The following DENND1B variants were observed in gnomAD, a reference collection of about 807,000 sequenced individuals.
The protein encoded by DENND1B is DENN domain-containing protein 1B.
In DENND1B, 59 loss-of-function variants were observed where a neutral mutation model predicts 90.1. The ratio of observed to expected loss-of-function variants is 0.65; its 90% CI spans 0.53 to 0.81. The LOEUF is 0.81. Ranked by LOEUF, DENND1B falls within the 40% of genes least tolerant of loss-of-function variation. The pLI is 0.00. For synonymous variants in DENND1B, 337 were observed against 324.6 expected, an observed-to-expected ratio of 1.04 and a Z score of -0.41; for missense variants, 862 against 912.6, an observed-to-expected ratio of 0.94 and a Z score of 0.71.
intron 15 of DENND1B, among the ~76,000 whole-genome samples, chr1:197,568,110 C>T (rs1046866585): frequency 2.6e-5 from 4 of 151,550 alleles, no homozygotes; most frequent in African/African-American, 9.7e-5. Context: ...GCGGAAAACT[C>T]TAAAGACTTG....
At chr1:197,716,941 C>A (rs1043847882) in intron 2 of DENND1B, among the ~76,000 whole-genome samples, 12 of 151,832 alleles carry the variant, frequency 7.9e-5, no homozygotes, top group African/African-American at 2.9e-4. Flanking sequence ...TTCCTCACTA[C>A]CATTTTTTTT....
At chr1:197,663,768 C>A (rs1168656761) in intron 5 of DENND1B, among the ~76,000 whole-genome samples, 2 of 152,028 alleles carry the variant, frequency 1.3e-5, no homozygotes, top group East Asian at 3.9e-4. Flanking sequence ...TAACAGGTTT[C>A]TCTCATTTGA....
chr1:197,649,148 G>A (rs1041246592), intron 7 of DENND1B, among the ~76,000 whole-genome samples: 5 of 152,194 alleles, frequency 3.3e-5, no homozygotes, highest in African/African-American at 1.2e-4. Flanking sequence ...AGGAAAGCAT[G>A]ATGTTCATTC....
chr1:197,535,434 A>C (rs1156259537), intron 20 of DENND1B, among the ~76,000 whole-genome samples: 3 of 152,208 alleles, frequency 2.0e-5, no homozygotes, highest in Admixed American at 6.5e-5. Context: ...CCTATGATAA[A>C]GTTTCATTTA....
At chr1:197,655,129 A>T (rs1004232253) in intron 6 of DENND1B, among the ~76,000 whole-genome samples, 1 of 152,222 alleles carries the variant, frequency 6.6e-6, no homozygotes, top group African/African-American at 2.4e-5. Flanking sequence ...ATTCTGTCTT[A>T]CTATATTCCT....
chr1:197,512,652 T>C (rs748917928), intron 21 of DENND1B, among the ~76,000 whole-genome samples: 2 of 151,642 alleles, frequency 1.3e-5, no homozygotes, highest in Non-Finnish European at 1.5e-5. Flanking sequence ...GTAGACATTA[T>C]TGCTTTCCAA....
intron 20 of DENND1B, among the ~76,000 whole-genome samples, chr1:197,525,648 A>C (rs1216330902): frequency 2.6e-5 from 4 of 152,240 alleles, no homozygotes; most frequent in African/African-American, 7.2e-5. Context: ...GTTTTCAAAA[A>C]ATATACAGCT....
intron 6 of DENND1B, 50 bp from the exon 7 acceptor site, chr1:197,652,365 A>G: frequency 2.1e-6 from 3 of 1,404,904 alleles, no homozygotes; most frequent in Non-Finnish European, 3.0e-6. Context: ...ATACCAAGCA[A>G]CTGCAATTAA....
intron 2 of DENND1B, among the ~76,000 whole-genome samples, chr1:197,722,196 T>C (rs1661243968): frequency 6.6e-6 from 1 of 152,046 alleles, no homozygotes; most frequent in South Asian, 2.1e-4. Context: ...AAGGCCTCTT[T>C]TATTTACTTA....
intron 2 of DENND1B, among the ~76,000 whole-genome samples, chr1:197,748,962 A>G (rs1438389223): frequency 6.6e-6 from 1 of 152,214 alleles, no homozygotes; most frequent in African/African-American, 2.4e-5. Context: ...AAAGATTCAA[A>G]ACGAAAATCT....
intron 13 of DENND1B, among the ~76,000 whole-genome samples, chr1:197,596,514 G>A (rs2125811776): frequency 1.3e-5 from 2 of 151,982 alleles, no homozygotes; most frequent in Middle Eastern, 3.4e-3. Flanking sequence ...TGGAAAGAAT[G>A]CTCACTTAAC....
chr1:197,660,645 G>A (rs1441711917), intron 5 of DENND1B, among the ~76,000 whole-genome samples: 1 of 152,020 alleles, frequency 6.6e-6, no homozygotes, highest in African/African-American at 2.4e-5. Context: ...GACAAAACAA[G>A]TAACAAAGGG....
chr1:197,675,653 C>T (rs966654076), intron 3 of DENND1B, among the ~76,000 whole-genome samples: 1 of 152,034 alleles, frequency 6.6e-6, no homozygotes, highest in Admixed American at 6.6e-5. Flanking sequence ...CAAATGAGAC[C>T]AGTTCATTTT....
intron 2 of DENND1B, among the ~76,000 whole-genome samples, chr1:197,740,187 T>A (rs190536450): frequency 2.1e-5 from 3 of 143,732 alleles, no homozygotes; most frequent in Admixed American, 2.0e-4. Flanking sequence ...TGTGCAGATA[T>A]CTTGGGAAAG....
chr1:197,772,991 G>T, intron 1 of DENND1B, 59 bp from the exon 2 acceptor site: 1 of 1,357,698 alleles, frequency 7.4e-7, no homozygotes, highest in Non-Finnish European at 1.0e-6. Flanking sequence ...CATGAAACTT[G>T]TATTTTCTTA....
At chr1:197,553,204 T>A in intron 15 of DENND1B, 92 bp from the exon 16 acceptor site, 2 of 1,025,156 alleles carry the variant, frequency 2.0e-6, no homozygotes, top group Non-Finnish European at 2.7e-6. Context: ...GATTTTTACT[T>A]ACATCAAAAA....
intron 15 of DENND1B, among the ~76,000 whole-genome samples, chr1:197,573,219 T>C (rs887168142): frequency 3.3e-5 from 5 of 152,144 alleles, no homozygotes; most frequent in African/African-American, 1.2e-4. Context: ...CTAGTTCTTT[T>C]AATTGTGATG....
At chr1:197,604,999 G>T (rs1676540286) in intron 13 of DENND1B, among the ~76,000 whole-genome samples, 1 of 150,930 alleles carries the variant, frequency 6.6e-6, no homozygotes. Flanking sequence ...TTCAGTAAAT[G>T]GTCCTAGCTC....
intron 6 of DENND1B, among the ~76,000 whole-genome samples, chr1:197,655,244 C>T (rs1653679606): frequency 6.6e-6 from 1 of 152,160 alleles, no homozygotes; most frequent in African/African-American, 2.4e-5. Flanking sequence ...TTAGTTTCTA[C>T]AATTATAAAA....
Sources: gnomAD v4.1 joint callset for allele counts (sites outside exome capture counted in the v4.1 genomes callset) on GRCh38, gnomAD v4.1.1 for gene constraint, MANE v1.5 for transcripts, NCBI Gene and HGNC (gene_info 2026-07-23, HGNC 2026-07-21) for gene names.